The following ZBTB1 variants were observed in gnomAD, a reference collection of about 807,000 sequenced individuals.
ZBTB1 encodes zinc finger and BTB domain containing 1.
Under a neutral mutation model 51.6 loss-of-function variants are expected in ZBTB1, and 13 were observed. That is an observed-to-expected ratio of 0.25 (90% CI 0.16 to 0.40). The LOEUF (loss-of-function observed/expected upper bound fraction) is 0.40, where lower values mean the gene tolerates loss of function less well. Ranked by LOEUF, ZBTB1 falls within the 10% of genes least tolerant of loss-of-function variation. ZBTB1 has a pLI of 1.00. For missense variants in ZBTB1, 567 were observed against 856.5 expected (o/e 0.66, Z 4.22); for synonymous variants, 240 against 282.2 (o/e 0.85, Z 1.50).
downstream of ZBTB1, among the ~76,000 whole-genome samples, chr14:64,528,344 C>CTTTTTTTTTTT (rs71123857): frequency 6.1e-5 from 7 of 115,510 alleles, no homozygotes; most frequent in Admixed American, 9.1e-5. Context: ...TTTTTCTTTT[C>CTTTTTTTTTTT]TTTTTTTTTT....
At position 64,521,896 on chromosome 14, in the gene ZBTB1, C is replaced by A; in HGVS notation, c.392C>A (p.Ser131Tyr). The stretch of plus-strand genomic sequence containing the variant: ...AGTTCAAAATGTTCCTCTTCTGCTT[C>A]CAGCAAACAGAACAGCAAAATGATA... ...CSSSKCSSSA[S>Y]SKQNSKMIFG... The change falls in exon 2 of 2, where the codon TCC (serine) becomes TAC (tyrosine). Residue 131 changes from serine (S) to tyrosine (Y), a missense_variant. Coordinates refer to ENST00000683701, the MANE Select transcript of ZBTB1 (RefSeq NM_001123329.2). 6.2e-7 allele frequency: 1 copy of A among 1,613,952 alleles called. No individual in the cohort carries two copies. Among genetic ancestry groups the A allele is most frequent in the South Asian group, 1.1e-5 (1 of 91,080 alleles).
In ZBTB1 at chr14:64,524,257, A is replaced by G. The variant is rs1395585810; in HGVS notation, c.*611A>G. The G allele has an allele frequency of 2.1e-6, 2 of 966,146 alleles. No individual in the cohort carries two copies. The highest frequency in any genetic ancestry group is 3.5e-5 in the African/African-American group (2 of 56,742). 59.8% of individuals were successfully genotyped at this position (966,146 alleles called of 1,614,324 possible). ...GATGAACCTGAGGAAATTTTTATAAATGAATATTTCCTATAATTGATAAAA... is the reference window on the plus strand; with the variant it reads ...GATGAACCTGAGGAAATTTTTATAAGTGAATATTTCCTATAATTGATAAAA... On this transcript the variant is annotated 3_prime_UTR_variant, in exon 2 of 2. Transcript: ENST00000683701.
At chr14:64,530,618 A>G (rs1363231455) in intron 2 of ZBTB1, among the ~76,000 whole-genome samples, 4 of 152,122 alleles carry the variant, frequency 2.6e-5, no homozygotes, top group Non-Finnish European at 5.9e-5. Flanking sequence ...AAAAAAATTA[A>G]TGTTAATTTT....
Position 64,522,082 on chromosome 14 carries a change from G to T in ZBTB1, c.578G>T (p.Cys193Phe). The change falls in exon 2 of 2, where the codon TGT becomes TTT. Residue 193 changes from cysteine (C) to phenylalanine (F), a missense_variant. This residue lies in a region of ZBTB1 where 26 missense variants were observed against 67.0 expected (regional missense o/e 0.39). Coordinates refer to ENST00000683701, the MANE Select transcript of ZBTB1 (RefSeq NM_001123329.2). ...GNFPEPLFDV[C>F]KKSSVSKLST... The stretch of plus-strand genomic sequence containing the variant: ...TTTCCTGAGCCACTATTTGATGTAT[G>T]TAAAAAAAGTTCCGTGTCCAAATTA... 1 of 1,614,168 alleles carries T rather than the reference G, an allele frequency of 6.2e-7. No individual in the cohort carries two copies.
downstream of ZBTB1, among the ~76,000 whole-genome samples, chr14:64,527,703 T>G (rs111455688): frequency 0.025 from 3,798 of 152,060 alleles, 54 homozygotes; most frequent in Middle Eastern, 0.055. Context: ...ACTTGGAAGG[T>G]GGAGGTTGCA....
At chr14:64,509,182 C>T (rs563115829) in intron 1 of ZBTB1, among the ~76,000 whole-genome samples, 1 of 152,236 alleles carries the variant, frequency 6.6e-6, no homozygotes, top group South Asian at 2.1e-4. Context: ...CCAGCCTGGC[C>T]AACATGGCGA....
chr14:64,517,793 T>A (rs1443839557), intron 1 of ZBTB1, among the ~76,000 whole-genome samples: 2 of 128,660 alleles, frequency 1.6e-5, no homozygotes, highest in African/African-American at 5.9e-5. Flanking sequence ...TTTTTTTTTT[T>A]TTTTTTTTTT....
intron 1 of ZBTB1, among the ~76,000 whole-genome samples, chr14:64,513,008 C>T: frequency 1.3e-5 from 2 of 152,128 alleles, no homozygotes; most frequent in South Asian, 4.1e-4. Flanking sequence ...ACACTGTATG[C>T]CTCTGTTATT....
At chr14:64,509,967 A>C (rs2079707599) in intron 1 of ZBTB1, among the ~76,000 whole-genome samples, 1 of 147,314 alleles carries the variant, frequency 6.8e-6, no homozygotes, top group Admixed American at 6.8e-5. Context: ...ACAGAGCGAG[A>C]CTCCGTCTCA....
At chr14:64,508,283 T>A (rs2079688066) in intron 1 of ZBTB1, among the ~76,000 whole-genome samples, 1 of 152,228 alleles carries the variant, frequency 6.6e-6, no homozygotes, top group African/African-American at 2.4e-5. Flanking sequence ...TTCTTTTGTC[T>A]ATATGAGATG....
chr14:64,527,541 A>G (rs1901737), downstream of ZBTB1, among the ~76,000 whole-genome samples: 125,151 of 151,976 alleles, frequency 0.82, 51,630 homozygotes, highest in East Asian at 0.89. Flanking sequence ...AACCCAGGAG[A>G]TGGAGGTTGC....
intron 1 of ZBTB1, among the ~76,000 whole-genome samples, chr14:64,510,264 G>T (rs1011812090): frequency 1.3e-5 from 2 of 152,184 alleles, no homozygotes; most frequent in Non-Finnish European, 2.9e-5. Flanking sequence ...CCTTCTTAGA[G>T]AATTGAAGCA....
rs1683140765 is a variant in ZBTB1, at chr14:64,523,721, A to G, written c.*75A>G. The G allele has an allele frequency of 7.0e-7, 1 of 1,437,866 alleles. No individual in the cohort carries two copies. Among genetic ancestry groups the G allele is most frequent in the Non-Finnish European group, 9.1e-7 (1 of 1,094,850 alleles). 89.1% of individuals were successfully genotyped at this position (1,437,866 alleles called of 1,614,324 possible). On this transcript the variant is annotated 3_prime_UTR_variant, in exon 2 of 2. Coordinates refer to ENST00000683701, the MANE Select transcript of ZBTB1 (RefSeq NM_001123329.2). The surrounding 1 kb of genome is among the most constrained non-coding windows in gnomAD (Gnocchi z 4.5). Reference sequence around the variant, plus strand: ...AGCAAAGGATATGAGCTATTTAGGAATTGATTATATAAGATGATTTGTTAG... The same window carrying G: ...AGCAAAGGATATGAGCTATTTAGGAGTTGATTATATAAGATGATTTGTTAG...
At chr14:64,526,596 C>G (rs561450208), downstream of ZBTB1, among the ~76,000 whole-genome samples, 32 of 152,304 alleles carry the variant, frequency 2.1e-4, no homozygotes, top group African/African-American at 6.7e-4. Flanking sequence ...GGTTAGCAAG[C>G]TTGCCATCAA....
At chr14:64,504,449 G>A (rs935787494), upstream of ZBTB1, 2 of 154,144 alleles carry the variant, frequency 1.3e-5, no homozygotes, top group Admixed American at 1.3e-4. Flanking sequence ...GTTCCATCCA[G>A]CTGTGCAAAC....
intron 1 of ZBTB1, among the ~76,000 whole-genome samples, chr14:64,518,903 G>GGT (rs1462309582): frequency 9.7e-5 from 4 of 41,060 alleles, no homozygotes; most frequent in East Asian, 8.2e-4. Context: ...GTTGCAGAGA[G>GGT]GTATATATAT....
intron 2 of ZBTB1, among the ~76,000 whole-genome samples, chr14:64,530,783 A>G (rs1477575749): frequency 6.6e-6 from 1 of 152,142 alleles, no homozygotes; most frequent in Non-Finnish European, 1.5e-5. Context: ...TTCCATCAAA[A>G]TCTACCACAG....
downstream of ZBTB1, among the ~76,000 whole-genome samples, chr14:64,529,698 G>A (rs2079928958): frequency 6.6e-6 from 1 of 152,158 alleles, no homozygotes; most frequent in Non-Finnish European, 1.5e-5. Flanking sequence ...TTGAGCCTGA[G>A]AGGTCAAGGC....
intron 1 of ZBTB1, among the ~76,000 whole-genome samples, chr14:64,513,197 A>C (rs2079744022): frequency 6.6e-6 from 1 of 152,082 alleles, no homozygotes; most frequent in Non-Finnish European, 1.5e-5. Flanking sequence ...TATATATGCA[A>C]TATATGTGTG....
Sources: gnomAD v4.1 joint callset for allele counts (sites outside exome capture counted in the v4.1 genomes callset) on GRCh38, gnomAD v4.1.1 for gene constraint, gnomAD v4.1.1 regional missense constraint, Gnocchi (gnomAD v3.1) non-coding constraint, MANE v1.5 for transcripts, NCBI Gene and HGNC (gene_info 2026-07-23, HGNC 2026-07-21) for gene names.